Variants in FANCA observed in about 807,000 individuals in gnomAD.
FANCA encodes the protein Fanconi anemia group A protein.
FANCA carries 236 observed loss-of-function variants against 194.3 expected under a neutral mutation model. That is an observed-to-expected ratio of 1.21 (90% CI 1.09 to 1.35). The LOEUF (loss-of-function observed/expected upper bound fraction) is 1.35, where lower values mean the gene tolerates loss of function less well. Ranked by LOEUF, FANCA falls within the 40% of genes most tolerant of loss-of-function variation. The pLI is 0.00. For synonymous variants in FANCA, 1,014 were observed against 715.8 expected, an observed-to-expected ratio of 1.42 and a Z score of -6.65; for missense variants, 2,628 against 1,813.9, an observed-to-expected ratio of 1.45 and a Z score of -8.15.
rs748269284 is a variant in FANCA, at chr16:89,738,288, G to T, written c.*313C>A. On this transcript the variant is annotated 3_prime_UTR_variant, in exon 43 of 43. Coordinates refer to ENST00000389301, the MANE Select transcript of FANCA (RefSeq NM_000135.4). ...GAGCACCTCTAGCAGCCTGGACTCC[G>T]CAGTGGCTGTGTCAGCCTCACCCTT... 2 of 1,548,556 alleles carry T rather than the reference G, an allele frequency of 1.3e-6. No homozygotes were observed. Among genetic ancestry groups the T allele is most frequent in the South Asian group, 2.4e-5 (2 of 84,806 alleles).
chr16:89,764,713 C>T lies in FANCA; in HGVS notation c.2778+177G>A, dbSNP rs575134153. Reference sequence around the variant, plus strand: ...CTTGCCTCTGAGGAGACAGTCGGCACACGCACCCTAGACTCGAGACGAGGA... The same window carrying T: ...CTTGCCTCTGAGGAGACAGTCGGCATACGCACCCTAGACTCGAGACGAGGA... On this transcript the variant is annotated intron_variant, in intron 28 of 42. Coordinates refer to ENST00000389301, the MANE Select transcript of FANCA (RefSeq NM_000135.4). 9.0e-6 allele frequency: 7 copies of T among 774,628 alleles called. No individual in the cohort carries two copies. In the South Asian group the frequency reaches 9.8e-5, roughly 11 times the overall value. 48.0% of individuals were successfully genotyped at this position (774,628 alleles called of 1,614,324 possible).
chr16:89,807,377 C>A (rs892577779), intron 6 of FANCA, among the ~76,000 whole-genome samples: 1 of 151,530 alleles, frequency 6.6e-6, no homozygotes, highest in South Asian at 2.1e-4. Flanking sequence ...TTGCTTGAAT[C>A]CGGGAAGCGG....
chr16:89,775,860 A>C lies in FANCA; in HGVS notation c.1827-45T>G, dbSNP rs542488198. ...TACAATTAAGTCAGCTATGGCTTAA[A>C]TTAATTCAAGATTACAATCCCCAAA... On this transcript the variant is annotated intron_variant, in intron 20 of 42. Coordinates refer to ENST00000389301, the MANE Select transcript of FANCA (RefSeq NM_000135.4). 6 of 1,280,668 alleles carry C rather than the reference A, an allele frequency of 4.7e-6. No homozygotes were observed. In the South Asian group the frequency reaches 6.2e-5, roughly 13 times the overall value. The allele number at this position is 1,280,668 out of a possible 1,614,324, so 79.3% of individuals were successfully genotyped here. A position where few individuals can be genotyped will look rare whatever the true frequency, so the allele number is the denominator to read the frequency against.
chr16:89,776,218 A>AGT (rs1269891060), intron 20 of FANCA, among the ~76,000 whole-genome samples: 2 of 123,418 alleles, frequency 1.6e-5, no homozygotes, highest in African/African-American at 6.3e-5. Context: ...CCCACACTGG[A>AGT]GTGCAGTGGT....
intron 30 of FANCA, among the ~76,000 whole-genome samples, chr16:89,758,336 A>T (rs1207949939): frequency 6.6e-6 from 1 of 152,218 alleles, no homozygotes; most frequent in Non-Finnish European, 1.5e-5. Flanking sequence ...GTAAGGCCTC[A>T]TCGGTGTGTG....
At chr16:89,812,013 G>A (rs1229484524) in intron 3 of FANCA, among the ~76,000 whole-genome samples, 1 of 150,762 alleles carries the variant, frequency 6.6e-6, no homozygotes, top group Non-Finnish European at 1.5e-5. Flanking sequence ...TTACAGGTGT[G>A]AGCCACCACG....
rs778710768 is a variant in FANCA at position 89,792,454 on chromosome 16, A to C, written c.1083+17T>G. On this transcript the variant is annotated intron_variant, in intron 12 of 42. Coordinates refer to ENST00000389301, the MANE Select transcript of FANCA (RefSeq NM_000135.4). Reference sequence around the variant, plus strand: ...CGCCACGAGCTCAGAAGCAGGTATAATACCACATCCACTCACCCTGCGGTA... The same window carrying C: ...CGCCACGAGCTCAGAAGCAGGTATACTACCACATCCACTCACCCTGCGGTA... 1.2e-6 allele frequency: 2 copies of C among 1,612,044 alleles called. No individual in the cohort carries two copies. The highest frequency in any genetic ancestry group is 1.1e-5 in the South Asian group (1 of 91,000).
chr16:89,776,066 G>A (rs1771863193), intron 20 of FANCA, among the ~76,000 whole-genome samples: 1 of 150,374 alleles, frequency 6.7e-6, no homozygotes, highest in African/African-American at 2.4e-5. Context: ...TACCACCAGT[G>A]ATTATCCCTG....
chr16:89,808,639 T>C (rs956964977), intron 5 of FANCA, among the ~76,000 whole-genome samples: 3 of 152,152 alleles, frequency 2.0e-5, no homozygotes, highest in African/African-American at 7.2e-5. Flanking sequence ...TGTAGCCTAC[T>C]TCTAACCCTT....
chr16:89,810,744 G>A lies in FANCA; in HGVS notation c.485C>T (p.Ser162Phe). The A allele has an allele frequency of 1.9e-6, 3 of 1,613,026 alleles. No individual in the cohort carries two copies. The highest frequency in any genetic ancestry group is 2.5e-6 in the Non-Finnish European group (3 of 1,178,980). The change falls in exon 5 of 43, where the codon TCC (serine) becomes TTC (phenylalanine). Residue 162 changes from serine (S) to phenylalanine (F), a missense_variant. Coordinates refer to ENST00000389301, the MANE Select transcript of FANCA (RefSeq NM_000135.4). The part of the protein sequence containing the change: ...AQYLLAHSMF[S>F]RLSFCQELWK... ...TAATTCTTGACAGAAGGAAAGACGGGAGAACATACTGTGTGCCAATAAATA... is the reference window on the plus strand; with the variant it reads ...TAATTCTTGACAGAAGGAAAGACGGAAGAACATACTGTGTGCCAATAAATA...
At chr16:89,791,272 G>T in intron 14 of FANCA, 131 bp downstream of exon 14, 1 of 1,261,382 alleles carries the variant, frequency 7.9e-7, no homozygotes. Flanking sequence ...GATCTGCCAA[G>T]GCCACTCGGC....
In FANCA at chr16:89,746,819, G is replaced by A. The variant is rs1276015334; in HGVS notation, c.3408+12C>T. 3 of 1,568,658 alleles carry A rather than the reference G, an allele frequency of 1.9e-6. No individual in the cohort carries two copies. The highest frequency in any genetic ancestry group is 2.6e-6 in the Non-Finnish European group (3 of 1,155,746). On this transcript the variant is annotated intron_variant, in intron 34 of 42. Transcript: ENST00000389301. Reference sequence around the variant, plus strand: ...TGAGAAGGCCACGAGAGGGGCTGAGGGAGCATCTCACCCTGAAGAAGTGGG... The same window carrying A: ...TGAGAAGGCCACGAGAGGGGCTGAGAGAGCATCTCACCCTGAAGAAGTGGG...
At position 89,748,676 on chromosome 16, in the gene FANCA, A is replaced by C. The variant is rs754976082; in HGVS notation, c.3331T>G (p.Leu1111Val). Residue 1111 changes from leucine to valine, a missense_variant, in exon 33 of 43, where the codon TTG (leucine) becomes GTG (valine). Transcript: ENST00000389301. Reference protein sequence around the residue: ...ITARCEQFFHLVNSEMRNFCS... With the variant: ...ITARCEQFFHVVNSEMRNFCS... The stretch of plus-strand genomic sequence containing the variant: ...GCACCTACCATCTCAGAGTTGACCA[A>C]GTGGAAGAACTGCTCGCATCTGGCA... 5.6e-6 allele frequency: 9 copies of C among 1,614,072 alleles called. No homozygotes were observed. Among genetic ancestry groups the C allele is most frequent in the Non-Finnish European group, 7.6e-6 (9 of 1,179,956 alleles).
chr16:89,742,921 G>T lies in FANCA; in HGVS notation c.3644C>A (p.Ala1215Asp), dbSNP rs199601218. Residue 1215 changes from alanine to aspartate, a missense_variant, in exon 37 of 43, where the codon GCT (alanine) becomes GAT (aspartate). Transcript: ENST00000389301. ...QFASDFLSPE[A>D]ASPAPNPDWL... ...GTCCGGGTTGGGTGCTGGGGAGGCA[G>T]CCTCAGGGGAGAGGAAACTGGGACA... 126 of 1,613,982 alleles carry T rather than the reference G, an allele frequency of 7.8e-5. No individual in the cohort carries two copies. The highest frequency in any genetic ancestry group is 9.5e-5 in the Non-Finnish European group (112 of 1,179,986).
chr16:89,755,601 C>G (rs1217964134), intron 30 of FANCA, among the ~76,000 whole-genome samples: 1 of 152,036 alleles, frequency 6.6e-6, no homozygotes, highest in Non-Finnish European at 1.5e-5. Flanking sequence ...AACCTTTGTG[C>G]ATTAAACGAT....
rs1567636306 is a variant in FANCA at position 89,792,084 on chromosome 16, C to T, written c.1084-16G>A. 2 of 1,614,178 alleles carry T rather than the reference C, an allele frequency of 1.2e-6. No homozygotes were observed. The highest frequency in any genetic ancestry group is 1.7e-5 in the Admixed American group (1 of 60,016). On this transcript the variant is annotated splice_polypyrimidine_tract_variant and intron_variant, in intron 12 of 42. Transcript: ENST00000389301. Reference sequence around the variant, plus strand: ...TCACAAAGAGCTGAAATAAAAGCATCCGCTCCCTTCAATATCCAAGCAAAC... The same window carrying T: ...TCACAAAGAGCTGAAATAAAAGCATTCGCTCCCTTCAATATCCAAGCAAAC...
Position 89,778,811 on chromosome 16 carries a change from ACT to A in FANCA, c.1814_1815del (p.Glu605ValfsTer7), listed in dbSNP as rs759899153. 5 of 1,613,848 alleles carry A rather than the reference ACT, an allele frequency of 3.1e-6. No homozygotes were observed. The highest frequency in any genetic ancestry group is 1.3e-5 in the African/African-American group (1 of 74,866). On this transcript the variant is annotated frameshift_variant, in exon 20 of 43. Transcript: ENST00000389301. LOFTEE classifies it high-confidence loss of function. The stretch of plus-strand genomic sequence containing the variant: ...ACCGTTGCTGCATACCTCTTCAGAG[ACT>A]CTATAAACGCCACACGGGAGTCAGG... ...KVPDSRVAFI[E>X]SLKRADKIPP...
chr16:89,774,542 A>G (rs1046988963), intron 21 of FANCA, among the ~76,000 whole-genome samples: 30 of 151,184 alleles, frequency 2.0e-4, no homozygotes, highest in African/African-American at 7.3e-4. Flanking sequence ...CATTCTGGCT[A>G]ACACGGTGAA....
chr16:89,765,274 A>T (rs1189862080), intron 27 of FANCA, among the ~76,000 whole-genome samples: 1 of 148,936 alleles, frequency 6.7e-6, no homozygotes, highest in African/African-American at 2.5e-5. Flanking sequence ...ACAACACACA[A>T]CCCCACGTTT....
Sources: gnomAD v4.1 joint callset for allele counts (sites outside exome capture counted in the v4.1 genomes callset) on GRCh38, gnomAD v4.1.1 for gene constraint, MANE v1.5 for transcripts, NCBI Gene and HGNC (gene_info 2026-07-23, HGNC 2026-07-21) for gene names.